SNX30: variants seen among roughly 807,000 people sequenced by gnomAD.
SNX30 encodes sorting nexin-30.
SNX30 carries 24 observed loss-of-function variants against 46.4 expected under a neutral mutation model. The ratio of observed to expected loss-of-function variants is 0.52; its 90% CI spans 0.37 to 0.73. The LOEUF (loss-of-function observed/expected upper bound fraction) is 0.73. Ranked by LOEUF, SNX30 falls within the 30% of genes least tolerant of loss-of-function variation. The pLI is 0.00. For synonymous variants in SNX30, 189 were observed against 211.5 expected (o/e 0.89, Z 0.92); for missense variants, 533 against 555.7 (o/e 0.96, Z 0.41).
Position 112,871,689 on chromosome 9 carries a change from G to A in SNX30, c.*2846G>A, listed in dbSNP as rs999439932. 5.3e-5 allele frequency: 8 copies of A among 152,106 alleles called. No homozygotes were observed. The highest frequency in any genetic ancestry group is 1.3e-4 in the Admixed American group (2 of 15,264). The allele number at this position is 152,106 out of a possible 1,614,324, so 9.4% of individuals were successfully genotyped here. Reference sequence around the variant, plus strand: ...GCCTGGAAAGTGGGAGATTTCATTCGCCCGGGTTAAAAATCCAGAGGAAGA... The same window carrying A: ...GCCTGGAAAGTGGGAGATTTCATTCACCCGGGTTAAAAATCCAGAGGAAGA... On this transcript the variant is annotated 3_prime_UTR_variant, in exon 9 of 9. Transcript: ENST00000374232.
intron 7 of SNX30, 49 bp downstream of exon 7, chr9:112,850,994 G>C: frequency 7.0e-7 from 1 of 1,436,676 alleles, no homozygotes; most frequent in South Asian, 1.2e-5. Context: ...TCTCCCTGCT[G>C]GTGCTAAGTA....
intron 2 of SNX30, among the ~76,000 whole-genome samples, chr9:112,811,446 A>C (rs546586575): frequency 8.4e-4 from 128 of 152,246 alleles, no homozygotes; most frequent in African/African-American, 2.8e-3. Context: ...TTGGGGCATA[A>C]GGGGAGACCT....
chr9:112,804,250 C>T (rs192751267), intron 1 of SNX30, among the ~76,000 whole-genome samples: 3 of 152,268 alleles, frequency 2.0e-5, no homozygotes, highest in African/African-American at 4.8e-5. Context: ...CTGCAACCTC[C>T]GCCTCCCAGG....
Position 112,867,641 on chromosome 9 carries a change from C to CCTCCTCAGAACTCCTCCT in SNX30, c.1255-1143_1255-1142insCTCCTCAGAACTCCTCCT, listed in dbSNP as rs1588144654. On this transcript the variant is annotated intron_variant, in intron 8 of 8. Transcript: ENST00000374232. Reference sequence around the variant, plus strand: ...CCTCCCACCTCCTCAGAACTCCTCCCGCCTCCTCAGAACTCCTTTCACCTT... The same window carrying CCTCCTCAGAACTCCTCCT: ...CCTCCCACCTCCTCAGAACTCCTCCCCTCCTCAGAACTCCTCCTGCCTCCTCAGAACTCCTTTCACCTT... Among the ~76,000 whole-genome samples, 4 of 148,634 alleles carry CCTCCTCAGAACTCCTCCT rather than the reference C, an allele frequency of 2.7e-5. No individual in the cohort carries two copies. In the East Asian group the frequency reaches 6.1e-4, roughly 23 times the overall value.
intron 2 of SNX30, among the ~76,000 whole-genome samples, chr9:112,814,224 G>C (rs758635457): frequency 5.9e-5 from 9 of 151,942 alleles, no homozygotes; most frequent in Non-Finnish European, 1.3e-4. Flanking sequence ...AAAAAGACTT[G>C]ACTCAATTTT....
At chr9:112,754,416 T>G (rs1383602773) in intron 1 of SNX30, among the ~76,000 whole-genome samples, 3 of 147,466 alleles carry the variant, frequency 2.0e-5, no homozygotes, top group Non-Finnish European at 3.0e-5. Context: ...CTTTTTTTTT[T>G]TTTTTTTTTT....
chr9:112,824,176 C>T (rs1373137914), intron 3 of SNX30, among the ~76,000 whole-genome samples: 1 of 152,160 alleles, frequency 6.6e-6, no homozygotes, highest in African/African-American at 2.4e-5. Flanking sequence ...CAGTCTACAA[C>T]AAATATGCTA....
At chr9:112,807,043 CT>C (rs1435498039) in intron 2 of SNX30, among the ~76,000 whole-genome samples, 1 of 122,888 alleles carries the variant, frequency 8.1e-6, no homozygotes, top group African/African-American at 3.0e-5. Flanking sequence ...TCTGTCTTTT[CT>C]TTTCTATCTT....
At chr9:112,834,213 T>TA (rs1840713755) in intron 4 of SNX30, among the ~76,000 whole-genome samples, 1 of 152,134 alleles carries the variant, frequency 6.6e-6, no homozygotes, top group Admixed American at 6.5e-5. Flanking sequence ...CATTGCCAGC[T>TA]GGATGTCCAC....
chr9:112,761,153 G>GGTTT (rs1163590990), intron 1 of SNX30, among the ~76,000 whole-genome samples: 23 of 144,178 alleles, frequency 1.6e-4, no homozygotes, highest in South Asian at 1.5e-3. Context: ...TAGAGGGCGT[G>GGTTT]GTTTTGTTTG....
intron 4 of SNX30, 23 bp downstream of exon 4, chr9:112,830,906 T>A: frequency 6.3e-7 from 1 of 1,590,236 alleles, no homozygotes; most frequent in Non-Finnish European, 8.5e-7. Context: ...ATTTACATCC[T>A]CTTCGTCCAT....
intron 3 of SNX30, among the ~76,000 whole-genome samples, chr9:112,819,673 C>CT (rs1252430563): frequency 6.6e-6 from 1 of 152,128 alleles, no homozygotes; most frequent in Non-Finnish European, 1.5e-5. Context: ...CAGGCTTTCC[C>CT]TTTTTTGGAT....
chr9:112,863,272 C>T (rs1368369378), intron 7 of SNX30, among the ~76,000 whole-genome samples: 1 of 152,218 alleles, frequency 6.6e-6, no homozygotes, highest in East Asian at 1.9e-4. Context: ...TGGGCCCCAG[C>T]ACACCAAACA....
chr9:112,859,850 T>G (rs1413388290), intron 7 of SNX30, among the ~76,000 whole-genome samples: 1 of 152,100 alleles, frequency 6.6e-6, no homozygotes, highest in African/African-American at 2.4e-5. Flanking sequence ...GCCATCCTGA[T>G]GAGTGTGAGG....
chr9:112,771,585 T>G (rs1839650120), intron 1 of SNX30, among the ~76,000 whole-genome samples: 1 of 152,138 alleles, frequency 6.6e-6, no homozygotes, highest in Non-Finnish European at 1.5e-5. Context: ...AAGAGTATAG[T>G]CTCCCCGGGT....
intron 1 of SNX30, among the ~76,000 whole-genome samples, chr9:112,784,732 A>G (rs1225928353): frequency 6.6e-6 from 1 of 152,168 alleles, no homozygotes; most frequent in African/African-American, 2.4e-5. Context: ...TTATGACCTC[A>G]TAGCTGGTAG....
downstream of SNX30, chr9:112,879,638 C>T: frequency 1.2e-6 from 1 of 858,990 alleles, no homozygotes; most frequent in South Asian, 1.8e-5. Context: ...CTGAGGCCAA[C>T]TCTGGCTGGA....
chr9:112,757,239 C>T (rs1839364800), intron 1 of SNX30, among the ~76,000 whole-genome samples: 1 of 152,164 alleles, frequency 6.6e-6, no homozygotes, highest in Non-Finnish European at 1.5e-5. Context: ...AGTGAGATCA[C>T]TCAGTGTTTT....
At chr9:112,780,346 G>C (rs1191444497) in intron 1 of SNX30, among the ~76,000 whole-genome samples, 1 of 152,204 alleles carries the variant, frequency 6.6e-6, no homozygotes, top group Non-Finnish European at 1.5e-5. Context: ...CTAGTGAACT[G>C]TATACTTAAA....
Sources: allele counts gnomAD v4.1 joint callset (sites outside exome capture counted in the v4.1 genomes callset), GRCh38; gene constraint gnomAD v4.1.1; transcripts MANE v1.5; gene names NCBI Gene and HGNC (gene_info 2026-07-23, HGNC 2026-07-21).